Variants in BICDL1 observed in about 807,000 individuals in gnomAD.
BICDL1 encodes the protein BICD family like cargo adaptor 1, also known as BICD family-like cargo adapter 1.
A neutral mutation model predicts 76.8 loss-of-function variants in BICDL1; 20 were observed. That is an observed-to-expected ratio of 0.26 (90% confidence interval 0.18 to 0.38). The LOEUF is 0.38. BICDL1 is among the 10% of genes least tolerant of loss of function. The pLI, the probability that BICDL1 is intolerant of heterozygous loss-of-function variation, is 1.00. For synonymous variants in BICDL1, 383 were observed against 337.1 expected (o/e 1.14, Z -1.49); for missense variants, 700 against 798.6 (o/e 0.88, Z 1.49).
chr12:120,072,433 G>A, intron 5 of BICDL1, 78 bp from the exon 6 acceptor site: 1 of 1,353,234 alleles, frequency 7.4e-7, no homozygotes, highest in Non-Finnish European at 1.1e-6. Context: ...CAGTATTTTG[G>A]GTTCAGAGCT....
intron 7 of BICDL1, among the ~76,000 whole-genome samples, chr12:120,077,045 A>G (rs1422171609): frequency 1.3e-5 from 2 of 152,214 alleles, no homozygotes; most frequent in Non-Finnish European, 2.9e-5. Flanking sequence ...GTTAGGTGGG[A>G]CTGAGGTTCT....
chr12:119,989,839 G>T lies in BICDL1; in HGVS notation c.-30G>T. ...CAGCCTGGCGCGCGCGGGCCGGGCC[G>T]CACCGCTGCGGGCTCCGCGCGCGCG... On this transcript the variant is annotated 5_prime_UTR_variant, in exon 1 of 10. Transcript: ENST00000548673. 1 of 1,247,132 alleles carries T rather than the reference G, an allele frequency of 8.0e-7. No individual in the cohort carries two copies. The allele number at this position is 1,247,132 out of a possible 1,614,324, so 77.3% of individuals were successfully genotyped here.
chr12:120,044,312 G>A (rs966665621), intron 2 of BICDL1, among the ~76,000 whole-genome samples: 3 of 152,210 alleles, frequency 2.0e-5, no homozygotes, highest in African/African-American at 7.2e-5. Context: ...AGGTGGTGGC[G>A]GGGTGAGGTG....
rs556741643 is a variant in BICDL1 at position 120,078,663 on chromosome 12, C to CA, written c.1453-2221dup. Among the ~76,000 whole-genome samples the CA allele has an allele frequency of 3.4e-4, 52 of 152,258 alleles. No individual in the cohort carries two copies. The East Asian group carries it at 9.3e-3, about 27-fold the overall frequency. The stretch of plus-strand genomic sequence containing the variant: ...CTTATTATAAAAAGTATGTATAGCT[C>CA]AAAGAGGGCAAGTGCCTTGTCACCT... On this transcript the variant is annotated intron_variant, in intron 7 of 9. Coordinates refer to ENST00000548673, the MANE Select transcript of BICDL1 (RefSeq NM_001367886.1).
chr12:120,088,780 C>T (rs2139018682), intron 8 of BICDL1, among the ~76,000 whole-genome samples: 1 of 152,330 alleles, frequency 6.6e-6, no homozygotes, highest in East Asian at 1.9e-4. Context: ...CATTCTCCTG[C>T]CTCAGCCTCG....
chr12:120,092,427 G>C, intron 9 of BICDL1: 1 of 985,474 alleles, frequency 1.0e-6, no homozygotes, highest in Non-Finnish European at 1.2e-6. Flanking sequence ...AGCCTCAGCA[G>C]CAGGGTCTAG....
chr12:120,039,014 A>C (rs1952579514), intron 2 of BICDL1, among the ~76,000 whole-genome samples: 1 of 152,112 alleles, frequency 6.6e-6, no homozygotes, highest in South Asian at 2.1e-4. Context: ...AGACAAAAAC[A>C]AGGCCGGGCA....
intron 1 of BICDL1, among the ~76,000 whole-genome samples, chr12:119,995,273 C>G (rs1316240328): frequency 6.6e-6 from 1 of 152,106 alleles, no homozygotes; most frequent in Non-Finnish European, 1.5e-5. Flanking sequence ...ATGCTAAATT[C>G]TGTACAAAAT....
chr12:120,072,401 C>G (rs1873175838), intron 5 of BICDL1, 110 bp from the exon 6 acceptor site: 1 of 968,778 alleles, frequency 1.0e-6, no homozygotes, highest in South Asian at 1.5e-5. Flanking sequence ...ACCCTTTCTT[C>G]TAGAACTGGT....
intron 2 of BICDL1, among the ~76,000 whole-genome samples, chr12:120,018,712 A>G (rs1477919734): frequency 6.6e-6 from 1 of 151,700 alleles, no homozygotes; most frequent in Non-Finnish European, 1.5e-5. Context: ...AAATCATACT[A>G]TATACCTTAT....
In BICDL1 at chr12:120,032,745, A is replaced by ATTTT. The variant is rs35727779; in HGVS notation, c.646-28948_646-28945dup. On this transcript the variant is annotated intron_variant, in intron 2 of 9. Transcript: ENST00000548673. ...CTAGGTTTACCTAAATACATCTATA[A>ATTTT]TTTTTTTTTTTTTTTTTTTTGAGAT... Among the ~76,000 whole-genome samples the ATTTT allele has an allele frequency of 2.7e-4, 34 of 124,490 alleles. No homozygotes were observed. In the East Asian group the frequency reaches 2.8e-3, roughly 10 times the overall value. The allele number at this position is 124,490 out of a possible 152,430, so 81.7% of individuals were successfully genotyped here.
At chr12:119,994,299 G>T (rs1439022231) in intron 1 of BICDL1, among the ~76,000 whole-genome samples, 1 of 151,942 alleles carries the variant, frequency 6.6e-6, no homozygotes, top group African/African-American at 2.4e-5. Context: ...AAACCCAGGG[G>T]TTCTGATTTG....
chr12:120,025,403 G>C (rs2138732916), intron 2 of BICDL1, among the ~76,000 whole-genome samples: 1 of 152,272 alleles, frequency 6.6e-6, no homozygotes, highest in East Asian at 1.9e-4. Context: ...GGAGACAGAA[G>C]CTCTTGTTTC....
chr12:120,074,250 G>T (rs932224876), intron 6 of BICDL1, among the ~76,000 whole-genome samples, 193 bp from the exon 7 acceptor site: 3 of 151,778 alleles, frequency 2.0e-5, no homozygotes, highest in Admixed American at 6.6e-5. Flanking sequence ...TCCACCTTTT[G>T]TCTCTTCCCT....
rs747499218 is a variant in BICDL1, at chr12:120,016,213, G to GT, written c.645+17478dup. 3.0e-4 allele frequency among the ~76,000 whole-genome samples: 45 copies of GT among 152,226 alleles called. No individual in the cohort carries two copies. The South Asian group carries it at 5.0e-3, about 17-fold the overall frequency. Reference sequence around the variant, plus strand: ...AGCATCACGTCTGTGAGGTTCACTCGTGTTATAGCACATAATAGTTCCTTT... The same window carrying GT: ...AGCATCACGTCTGTGAGGTTCACTCGTTGTTATAGCACATAATAGTTCCTTT... On this transcript the variant is annotated intron_variant, in intron 2 of 9. Coordinates refer to ENST00000548673, the MANE Select transcript of BICDL1 (RefSeq NM_001367886.1).
chr12:120,045,774 T>TGGGGGGA (rs1952735358), intron 2 of BICDL1, among the ~76,000 whole-genome samples: 1 of 31,096 alleles, frequency 3.2e-5, no homozygotes, highest in Non-Finnish European at 5.9e-5. Flanking sequence ...TGTTGTGGGA[T>TGGGGGGA]GGGGGGAGGG....
At chr12:120,074,326 C>A in intron 6 of BICDL1, 117 bp from the exon 7 acceptor site, 1 of 561,470 alleles carries the variant, frequency 1.8e-6, no homozygotes, top group Non-Finnish European at 2.3e-6. Flanking sequence ...CACATCATTC[C>A]TCCACTCTCC....
intron 1 of BICDL1, among the ~76,000 whole-genome samples, chr12:119,998,273 A>ATT (rs1951692211): frequency 6.6e-6 from 1 of 152,228 alleles, no homozygotes; most frequent in Non-Finnish European, 1.5e-5. Context: ...ATGCCTAAGG[A>ATT]TAAGAATAAA....
intron 4 of BICDL1, 93 bp downstream of exon 4, chr12:120,064,972 T>C (rs1953189133): frequency 8.6e-6 from 12 of 1,401,608 alleles, no homozygotes; most frequent in Non-Finnish European, 1.1e-5. Context: ...GCATCACTGC[T>C]GGGGTAAGCT....
Sources: allele counts gnomAD v4.1 joint callset (sites outside exome capture counted in the v4.1 genomes callset), GRCh38; gene constraint gnomAD v4.1.1; transcripts MANE v1.5; gene names NCBI Gene and HGNC (gene_info 2026-07-23, HGNC 2026-07-21).